Variants in SH3GL3 observed in about 807,000 individuals in gnomAD.
SH3GL3 encodes endophilin-A3.
SH3GL3 carries 33 observed loss-of-function variants against 47.7 expected under a neutral mutation model. That is an observed-to-expected ratio of 0.69 (90% CI 0.52 to 0.92). The LOEUF is 0.92. Among genes scored for constraint, SH3GL3 ranks in the 40% least tolerant of loss-of-function variants. The probability of loss-of-function intolerance (pLI) is 0.00; values close to 1 mark genes in which losing one functional copy is unlikely to be tolerated. For synonymous variants in SH3GL3, 155 were observed against 148.8 expected (o/e 1.04, Z -0.30); for missense variants, 363 against 417.8 (o/e 0.87, Z 1.14).
chr15:83,450,611 A>G (rs1442979994), intron 1 of SH3GL3, among the ~76,000 whole-genome samples: 2 of 152,104 alleles, frequency 1.3e-5, no homozygotes, highest in African/African-American at 2.4e-5. Context: ...AACAGGAAAG[A>G]GGAAGAAATA....
At chr15:83,603,444 C>T (rs184191516) in intron 8 of SH3GL3, among the ~76,000 whole-genome samples, 16 of 152,292 alleles carry the variant, frequency 1.1e-4, no homozygotes, top group African/African-American at 3.8e-4. Context: ...TCTTAACTTA[C>T]AGAGGCTACC....
intron 1 of SH3GL3, among the ~76,000 whole-genome samples, chr15:83,549,729 T>A (rs1379344299): frequency 1.3e-5 from 2 of 152,222 alleles, no homozygotes; most frequent in African/African-American, 2.4e-5. Context: ...TGCTTCTTTA[T>A]GTTTCCCTTT....
At chr15:83,564,474 G>T (rs978053274) in intron 2 of SH3GL3, among the ~76,000 whole-genome samples, 2 of 152,016 alleles carry the variant, frequency 1.3e-5, no homozygotes, top group African/African-American at 4.8e-5. Context: ...ATTGCAACTT[G>T]CATTTTAACT....
At chr15:83,460,052 CCCTGCCTCCCTCCCTCCCTT>C (rs1344427806) in intron 1 of SH3GL3, among the ~76,000 whole-genome samples, 6 of 54,652 alleles carry the variant, frequency 1.1e-4, no homozygotes, top group Non-Finnish European at 1.6e-4. Flanking sequence ...CTCCCTCCCT[CCCTGCCTCCCTCCCTCCCTT>C]CCTTCCTTCC....
chr15:83,556,367 A>G (rs571067079), intron 1 of SH3GL3, among the ~76,000 whole-genome samples: 1 of 152,380 alleles, frequency 6.6e-6, no homozygotes, highest in African/African-American at 2.4e-5. Flanking sequence ...CAGGAAAAGC[A>G]GAAACGAATG....
At chr15:83,518,501 A>AT (rs924091954) in intron 1 of SH3GL3, among the ~76,000 whole-genome samples, 32 of 151,820 alleles carry the variant, frequency 2.1e-4, no homozygotes, top group African/African-American at 6.3e-4. Flanking sequence ...GATGTGGAGC[A>AT]TTTTTTTTGC....
chr15:83,570,354 G>A (rs1416125111), intron 4 of SH3GL3, among the ~76,000 whole-genome samples: 1 of 152,008 alleles, frequency 6.6e-6, no homozygotes, highest in Non-Finnish European at 1.5e-5. Flanking sequence ...TTCTTGATCT[G>A]TATCCTGTTT....
intron 1 of SH3GL3, among the ~76,000 whole-genome samples, chr15:83,523,964 A>C (rs1387871758): frequency 6.6e-6 from 1 of 151,728 alleles, no homozygotes; most frequent in East Asian, 1.9e-4. Flanking sequence ...AAAAAAAAAA[A>C]AAACAGACAG....
intron 8 of SH3GL3, among the ~76,000 whole-genome samples, chr15:83,609,098 T>G (rs2060599901): frequency 6.6e-6 from 1 of 152,130 alleles, no homozygotes; most frequent in African/African-American, 2.4e-5. Context: ...TACCTTTGGG[T>G]CTCAATTTCG....
chr15:83,488,224 C>T (rs2041701418), intron 1 of SH3GL3: 1 of 152,400 alleles, frequency 6.6e-6, no homozygotes, highest in Admixed American at 6.5e-5. Context: ...GGATGTGGGT[C>T]CTGCAGAACC....
In SH3GL3 at chr15:83,448,441, G is replaced by GGTGT. The variant is rs1414993554; in HGVS notation, c.45+863_45+864insGTGT. ...AAAACAGGAGGGGAGACATGAAATT[G>GGTGT]ATGTGTGTGTGTGTGTGTGTGTGTG... On this transcript the variant is annotated intron_variant, in intron 1 of 8. Coordinates refer to ENST00000427482, the MANE Select transcript of SH3GL3 (RefSeq NM_003027.5). This position sits in a 1 kb window ranked among gnomAD's most constrained non-coding sequence, Gnocchi z 4.2. Among the ~76,000 whole-genome samples, 2 of 68,598 alleles carry GGTGT rather than the reference G, an allele frequency of 2.9e-5. No individual in the cohort carries two copies. The highest frequency in any genetic ancestry group is 4.3e-4 in the South Asian group (1 of 2,346). 45.0% of individuals were successfully genotyped at this position (68,598 alleles called of 152,430 possible). A position where few individuals can be genotyped will look rare whatever the true frequency, so the allele number is the denominator to read the frequency against.
intron 1 of SH3GL3, among the ~76,000 whole-genome samples, chr15:83,479,697 G>C (rs2041258519): frequency 6.6e-6 from 1 of 152,158 alleles, no homozygotes; most frequent in Admixed American, 6.5e-5. Context: ...CAGACTGAAG[G>C]TTGCAGGTGT....
chr15:83,557,169 C>T (rs2045004750), intron 1 of SH3GL3, among the ~76,000 whole-genome samples: 2 of 152,186 alleles, frequency 1.3e-5, no homozygotes, highest in African/African-American at 2.4e-5. Flanking sequence ...GGCAACAAAA[C>T]GTGGAGGTGC....
At chr15:83,611,488 G>A (rs1463054099) in intron 8 of SH3GL3, 1 of 152,106 alleles carries the variant, frequency 6.6e-6, no homozygotes, top group Non-Finnish European at 1.5e-5. Flanking sequence ...CCGTCTCACT[G>A]GACAGCCCAG....
At chr15:83,547,471 T>A (rs2151715089) in intron 1 of SH3GL3, among the ~76,000 whole-genome samples, 1 of 152,346 alleles carries the variant, frequency 6.6e-6, no homozygotes, top group South Asian at 2.1e-4. Flanking sequence ...TGTCGGCAAT[T>A]CAAAACTATC....
Position 83,521,340 on chromosome 15 carries a change from T to C in SH3GL3, c.46-37913T>C, listed in dbSNP as rs552607029. On this transcript the variant is annotated intron_variant, in intron 1 of 8. Coordinates refer to ENST00000427482, the MANE Select transcript of SH3GL3 (RefSeq NM_003027.5). ...ATCTGGCTATACAGGGTCTGAAAGT[T>C]TGAAAAAATTAAAAATGGACACTAC... Among the ~76,000 whole-genome samples, 36 of 152,150 alleles carry C rather than the reference T, an allele frequency of 2.4e-4. 1 individual carries two copies. In the South Asian group the frequency reaches 6.0e-3, roughly 25 times the overall value.
chr15:83,463,651 C>G (rs1034565049), intron 1 of SH3GL3, among the ~76,000 whole-genome samples: 3 of 151,974 alleles, frequency 2.0e-5, no homozygotes, highest in Non-Finnish European at 4.4e-5. Flanking sequence ...CTAGTATCTC[C>G]TGTCTTGAAA....
chr15:83,565,234 T>A (rs1566991746), intron 3 of SH3GL3, 28 bp downstream of exon 3: 2 of 1,274,140 alleles, frequency 1.6e-6, no homozygotes, highest in Non-Finnish European at 2.3e-6. Flanking sequence ...TCTTGTTCAT[T>A]TGCTGTCACA....
At position 83,559,912 on chromosome 15, in the gene SH3GL3, A is replaced by C. The variant is rs1371877573; in HGVS notation, c.114+591A>C. Among the ~76,000 whole-genome samples, 6 of 152,318 alleles carry C rather than the reference A, an allele frequency of 3.9e-5. No homozygotes were observed. The East Asian group carries it at 1.2e-3, about 29-fold the overall frequency. On this transcript the variant is annotated intron_variant, in intron 2 of 8. Coordinates refer to ENST00000427482, the MANE Select transcript of SH3GL3 (RefSeq NM_003027.5). ...CATTAACGTATTTGAAATAACTTAC[A>C]AAAAATATGACGGGCTTGAGACAGA...
Sources: allele counts gnomAD v4.1 joint callset (sites outside exome capture counted in the v4.1 genomes callset), GRCh38; gene constraint gnomAD v4.1.1; non-coding constraint Gnocchi (gnomAD v3.1); transcripts MANE v1.5; gene names NCBI Gene and HGNC (gene_info 2026-07-23, HGNC 2026-07-21).